The following NUP210 variants were observed in gnomAD, a reference collection of about 807,000 sequenced individuals.
The protein encoded by NUP210 is nuclear pore membrane glycoprotein 210.
Under a neutral mutation model 196.0 loss-of-function variants are expected in NUP210, and 151 were observed. The ratio of observed to expected loss-of-function variants is 0.77; its 90% confidence interval spans 0.67 to 0.88. The LOEUF (loss-of-function observed/expected upper bound fraction) is 0.88, where lower values mean the gene tolerates loss of function less well. Ranked by LOEUF, NUP210 falls within the 40% of genes least tolerant of loss-of-function variation. NUP210 has a pLI of 0.00. For synonymous variants in NUP210, 1,070 were observed against 1,052.7 expected (o/e 1.02, Z -0.32); for missense variants, 2,314 against 2,493.7 (o/e 0.93, Z 1.53).
At position 13,375,560 on chromosome 3, in the gene NUP210, TGGGATACAG is replaced by T; in HGVS notation, c.1366_1374del (p.Leu456_Pro458del). 6.2e-7 allele frequency: 1 copy of T among 1,614,142 alleles called. No individual in the cohort carries two copies. ...GGTTGCCACGGAAATGTCAAGATGC[TGGGATACAG>T]GGTGATCGGGATGTGAATTTCCACC... On this transcript the variant is annotated inframe_deletion, in exon 11 of 40. Transcript: ENST00000254508.
In NUP210 at chr3:13,337,866, G is replaced by C; in HGVS notation, c.3523C>G (p.Pro1175Ala). 1 of 1,612,538 alleles carries C rather than the reference G, an allele frequency of 6.2e-7. No individual in the cohort carries two copies. The highest frequency in any genetic ancestry group is 8.5e-7 in the Non-Finnish European group (1 of 1,179,834). Residue 1175 changes from proline to alanine, a missense_variant, in exon 26 of 40, where the codon CCC becomes GCC. Coordinates refer to ENST00000254508, the MANE Select transcript of NUP210 (RefSeq NM_024923.4). ...GTGCCCGTCCTCATCCGCATGATGG[G>C]GGCGCGGATCCTCACGGCCCTTAGC... is the stretch of plus-strand genomic sequence containing the variant. ...LLLRAVRIRA[P>A]IMRMRTGTQM...
rs71066952 is a variant in NUP210 at position 13,401,259 on chromosome 3, C to CAAAAAAAAAAAAAAAAAAAAA, written c.168-1419_168-1399dup. Among the ~76,000 whole-genome samples, 8 of 43,830 alleles carry CAAAAAAAAAAAAAAAAAAAAA rather than the reference C, an allele frequency of 1.8e-4. 3 individuals are homozygous for CAAAAAAAAAAAAAAAAAAAAA. The highest frequency in any genetic ancestry group is 2.4e-4 in the Non-Finnish European group (6 of 24,778). The allele number at this position is 43,830 out of a possible 152,430, so 28.8% of individuals were successfully genotyped here. On this transcript the variant is annotated intron_variant, in intron 1 of 39. Coordinates refer to ENST00000254508, the MANE Select transcript of NUP210 (RefSeq NM_024923.4). ...TGGGCAACAGAGTGAGACTCTGGCT[C>CAAAAAAAAAAAAAAAAAAAAA]AAAAAAAAAAAAAAAAAAAAAGGCA...
At chr3:13,390,805 G>A (rs1025832208) in intron 4 of NUP210, among the ~76,000 whole-genome samples, 1 of 152,184 alleles carries the variant, frequency 6.6e-6, no homozygotes, top group South Asian at 2.1e-4. Flanking sequence ...CCATATGGGC[G>A]ACTCAGCCTG....
intron 20 of NUP210, among the ~76,000 whole-genome samples, chr3:13,343,701 G>A (rs1429645337): frequency 6.6e-6 from 1 of 152,214 alleles, no homozygotes; most frequent in Non-Finnish European, 1.5e-5. Flanking sequence ...GTCCCAGGAT[G>A]CCACATCCTG....
chr3:13,336,708 G>A, intron 27 of NUP210, 79 bp downstream of exon 27: 1 of 1,487,810 alleles, frequency 6.7e-7, no homozygotes, highest in Non-Finnish European at 9.1e-7. Flanking sequence ...GGACAATGTG[G>A]CAGGAACCCT....
Position 13,397,467 on chromosome 3 carries a change from C to T in NUP210, c.326G>A (p.Cys109Tyr), listed in dbSNP as rs763125190. The T allele has an allele frequency of 1.2e-6, 2 of 1,610,072 alleles. No individual in the cohort carries two copies. Among genetic ancestry groups the T allele is most frequent in the Middle Eastern group, 1.7e-4 (1 of 6,030 alleles). The stretch of plus-strand genomic sequence containing the variant: ...ATGGATGAGGTCCACAATGGCATCA[C>T]AGCGCAGGACCTGGCCTGTGGCTGG... ...EDITTGQVLRCDAIVDLIHDI... is the reference protein window; with the variant it reads ...EDITTGQVLRYDAIVDLIHDI... The change falls in exon 3 of 40, where the codon TGT becomes TAT. Residue 109 changes from cysteine to tyrosine, a missense_variant. Cys to Tyr is a radical substitution (Grantham distance 194). Transcript: ENST00000254508.
intron 6 of NUP210, among the ~76,000 whole-genome samples, chr3:13,382,765 C>T (rs1193543996): frequency 1.3e-5 from 2 of 152,156 alleles, no homozygotes; most frequent in South Asian, 2.1e-4. Flanking sequence ...ATTCAGGTCC[C>T]CTATGAAGAC....
In NUP210 at chr3:13,379,461, C is replaced by T. The variant is rs183125456; in HGVS notation, c.976+102G>A. 33 of 1,410,760 alleles carry T rather than the reference C, an allele frequency of 2.3e-5. No individual in the cohort carries two copies. The highest frequency in any genetic ancestry group is 9.5e-5 in the South Asian group (8 of 83,984). 87.4% of individuals were successfully genotyped at this position (1,410,760 alleles called of 1,614,324 possible). ...TGATTTTCAGACCGTTGAGGGGAAACGGCTATTTTTAGCCCTGCCGAGCTT... is the reference window on the plus strand; with the variant it reads ...TGATTTTCAGACCGTTGAGGGGAAATGGCTATTTTTAGCCCTGCCGAGCTT... On this transcript the variant is annotated intron_variant, in intron 7 of 39. Transcript: ENST00000254508. This position sits in a 1 kb window ranked among gnomAD's most constrained non-coding sequence, Gnocchi z 4.2.
chr3:13,339,718 C>T (rs1448564303), intron 25 of NUP210, 136 bp downstream of exon 25: 9 of 771,112 alleles, frequency 1.2e-5, no homozygotes, highest in Non-Finnish European at 1.9e-5. Context: ...CACCAGGGCC[C>T]CTGCAGTGAC....
chr3:13,356,091 C>A (rs1576377426), intron 16 of NUP210, among the ~76,000 whole-genome samples: 1 of 152,210 alleles, frequency 6.6e-6, no homozygotes, highest in East Asian at 1.9e-4. Context: ...CAGCCCCATT[C>A]AAGCCCCTAA....
intron 3 of NUP210, among the ~76,000 whole-genome samples, chr3:13,392,903 C>T (rs1054797713): frequency 6.6e-6 from 1 of 151,906 alleles, no homozygotes; most frequent in African/African-American, 2.4e-5. Context: ...GTGAGGGGAG[C>T]CTGGGCCCAA....
At chr3:13,371,157 A>G (rs4684131) in intron 13 of NUP210, among the ~76,000 whole-genome samples, 94,722 of 152,110 alleles carry the variant, frequency 0.62, 31,107 homozygotes, top group African/African-American at 0.85. Flanking sequence ...CTTATCTTTA[A>G]GGCCCGTTTC....
At chr3:13,356,680 A>AAAT (rs1356601343) in intron 16 of NUP210, among the ~76,000 whole-genome samples, 1 of 152,180 alleles carries the variant, frequency 6.6e-6, no homozygotes, top group Non-Finnish European at 1.5e-5. Flanking sequence ...ATGAGGCTGT[A>AAAT]AATTGCCAGA....
intron 6 of NUP210, among the ~76,000 whole-genome samples, chr3:13,385,606 T>C (rs534443635): frequency 6.6e-6 from 1 of 152,368 alleles, no homozygotes; most frequent in Non-Finnish European, 1.5e-5. Context: ...TGTTCAGTTG[T>C]CAGTTGCAGA....
Position 13,325,876 on chromosome 3 carries a change from C to T in NUP210, c.4563G>A (p.Lys1521=). 1 of 1,614,120 alleles carries T rather than the reference C, an allele frequency of 6.2e-7. No homozygotes were observed. The highest frequency in any genetic ancestry group is 8.5e-7 in the Non-Finnish European group (1 of 1,180,030). Residue 1521 remains lysine, a synonymous_variant, in exon 33 of 40, where the codon AAG becomes AAA. Coordinates refer to ENST00000254508, the MANE Select transcript of NUP210 (RefSeq NM_024923.4). ...CGGCCCGGGCCACAGCCACACCCGT[C>T]TTGGGGTCGATGTGGAGGATGCTGT... ...SANSILHIDP[K]TGVAVARAVG...
At chr3:13,410,511 C>T (rs1700134483) in intron 1 of NUP210, among the ~76,000 whole-genome samples, 1 of 150,382 alleles carries the variant, frequency 6.6e-6, no homozygotes, top group Admixed American at 6.6e-5. Flanking sequence ...CTGGGCCAGG[C>T]ATGGTGGCTT....
At chr3:13,374,268 C>A (rs1380202952) in intron 11 of NUP210, among the ~76,000 whole-genome samples, 6 of 152,188 alleles carry the variant, frequency 3.9e-5, no homozygotes, top group Non-Finnish European at 7.4e-5. Context: ...ACTCACCATT[C>A]GCACCCACGG....
rs1245037337 is a variant in NUP210, at chr3:13,340,539, C to T, written c.3229-241G>A. Among the ~76,000 whole-genome samples the T allele has an allele frequency of 6.6e-6, 1 of 152,166 alleles. No homozygotes were observed. The highest frequency in any genetic ancestry group is 2.4e-5 in the African/African-American group (1 of 41,448). The stretch of plus-strand genomic sequence containing the variant: ...TGTTTGTGACTGTGTTTCACTTTCC[C>T]TAGATGTTAAAACCCAAAAGCTGGG... On this transcript the variant is annotated intron_variant, in intron 23 of 39. Coordinates refer to ENST00000254508, the MANE Select transcript of NUP210 (RefSeq NM_024923.4). The surrounding 1 kb of genome is among the most constrained non-coding windows in gnomAD (Gnocchi z 4.0).
At chr3:13,355,257 C>T (rs1193626693) in intron 16 of NUP210, among the ~76,000 whole-genome samples, 1 of 152,208 alleles carries the variant, frequency 6.6e-6, no homozygotes, top group Non-Finnish European at 1.5e-5. Flanking sequence ...GCAGGAAGAA[C>T]TACCCTTCTC....
Sources: allele counts gnomAD v4.1 joint callset (sites outside exome capture counted in the v4.1 genomes callset), GRCh38; gene constraint gnomAD v4.1.1; non-coding constraint Gnocchi (gnomAD v3.1); transcripts MANE v1.5; gene names NCBI Gene and HGNC (gene_info 2026-07-23, HGNC 2026-07-21).